Variants in PRKG1 observed in about 807,000 individuals in gnomAD.
The protein encoded by PRKG1 is protein kinase cGMP-dependent 1, also known as cGMP-dependent protein kinase 1.
Under a neutral mutation model 88.1 loss-of-function variants are expected in PRKG1, and 35 were observed. That is an observed-to-expected ratio of 0.40 (90% confidence interval 0.30 to 0.53). The LOEUF (loss-of-function observed/expected upper bound fraction) is 0.53. Among genes scored for constraint, PRKG1 ranks in the 20% least tolerant of loss-of-function variants. The pLI is 0.59. For synonymous variants in PRKG1, 303 were observed against 292.5 expected, an observed-to-expected ratio of 1.04 and a Z score of -0.37; for missense variants, 540 against 839.8, an observed-to-expected ratio of 0.64 and a Z score of 4.41.
chr10:51,278,485 G>A (rs1840196514), intron 2 of PRKG1, among the ~76,000 whole-genome samples: 1 of 152,160 alleles, frequency 6.6e-6, no homozygotes, highest in Admixed American at 6.5e-5. Flanking sequence ...AGTTTGGGAG[G>A]ATTCCCTCTT....
intron 8 of PRKG1, among the ~76,000 whole-genome samples, chr10:52,157,684 A>G (rs183848566): frequency 5.3e-5 from 8 of 151,574 alleles, no homozygotes. Context: ...TCCTAAGGAC[A>G]ATTTCTTTAA....
At chr10:51,878,248 A>ATGTG (rs1554851728) in intron 4 of PRKG1, among the ~76,000 whole-genome samples, 1 of 55,556 alleles carries the variant, frequency 1.8e-5, no homozygotes, top group Non-Finnish European at 3.4e-5. Flanking sequence ...ATGTGTGAAT[A>ATGTG]TATGTGTGTG....
chr10:51,554,329 CACAT>C (rs1258641289), intron 3 of PRKG1, among the ~76,000 whole-genome samples: 3 of 125,492 alleles, frequency 2.4e-5, no homozygotes, highest in African/African-American at 8.3e-5. Flanking sequence ...AATATATACA[CACAT>C]ATATTATATA....
intron 4 of PRKG1, among the ~76,000 whole-genome samples, chr10:51,848,651 G>A (rs1202877884): frequency 6.7e-6 from 1 of 150,142 alleles, no homozygotes; most frequent in East Asian, 1.9e-4. Flanking sequence ...GTGTGTGTGT[G>A]TGTGTGTGTG....
chr10:51,449,542 G>A (rs950878718), intron 2 of PRKG1, among the ~76,000 whole-genome samples: 2 of 144,698 alleles, frequency 1.4e-5, no homozygotes, highest in African/African-American at 5.3e-5. Context: ...AAGGCCCAAG[G>A]CTAGCAAACT....
At chr10:52,202,842 T>C (rs944715899) in intron 9 of PRKG1, among the ~76,000 whole-genome samples, 12 of 152,118 alleles carry the variant, frequency 7.9e-5, no homozygotes, top group African/African-American at 2.7e-4. Flanking sequence ...CTCTGAGGTT[T>C]TTGTATTTTT....
chr10:51,419,471 C>T (rs368284476), intron 2 of PRKG1, among the ~76,000 whole-genome samples: 5 of 152,092 alleles, frequency 3.3e-5, no homozygotes, highest in African/African-American at 1.2e-4. Context: ...GACTGACTGC[C>T]TGGATGGGAT....
rs552950385 is a variant in PRKG1, at chr10:51,613,930, T to C, written c.592+146094T>C. On this transcript the variant is annotated intron_variant, in intron 3 of 17. Coordinates refer to ENST00000373980, the MANE Select transcript of PRKG1 (RefSeq NM_006258.4). ...CTAACATATGGTCTATCCTGGAGAA[T>C]ATTCCATGTGTTCATGAGAAGAATG... 4.9e-4 allele frequency among the ~76,000 whole-genome samples: 75 copies of C among 152,086 alleles called. No individual in the cohort carries two copies. The Middle Eastern group carries it at 0.034, about 69-fold the overall frequency.
intron 3 of PRKG1, among the ~76,000 whole-genome samples, chr10:51,704,069 G>A (rs1165194624): frequency 2.6e-5 from 4 of 151,048 alleles, no homozygotes; most frequent in African/African-American, 7.3e-5. Flanking sequence ...GCTTGAACCC[G>A]GGATGTGGAT....
At chr10:51,836,373 C>G (rs1840130781) in intron 4 of PRKG1, among the ~76,000 whole-genome samples, 1 of 152,054 alleles carries the variant, frequency 6.6e-6, no homozygotes, top group African/African-American at 2.4e-5. Flanking sequence ...TGGATTTTCT[C>G]TTCACTTTAT....
chr10:51,894,363 A>T (rs890561695), intron 4 of PRKG1, among the ~76,000 whole-genome samples: 1 of 152,176 alleles, frequency 6.6e-6, no homozygotes, highest in Non-Finnish European at 1.5e-5. Flanking sequence ...GCCATAGTCA[A>T]ATTCATAGAG....
intron 1 of PRKG1, among the ~76,000 whole-genome samples, chr10:51,096,926 C>T (rs1446229243): frequency 1.3e-5 from 2 of 152,180 alleles, no homozygotes; most frequent in African/African-American, 4.8e-5. Context: ...CTACAATGCA[C>T]AGGACAGTTT....
chr10:52,267,136 A>G (rs1164793873), intron 10 of PRKG1, among the ~76,000 whole-genome samples: 1 of 152,096 alleles, frequency 6.6e-6, no homozygotes, highest in Non-Finnish European at 1.5e-5. Context: ...TAAAAAGCAA[A>G]CTAAATGTCA....
chr10:51,778,916 G>A (rs1252308070), intron 3 of PRKG1, among the ~76,000 whole-genome samples: 1 of 151,950 alleles, frequency 6.6e-6, no homozygotes, highest in African/African-American at 2.4e-5. Context: ...AAATAAGCTG[G>A]TAATCTTTAT....
chr10:51,816,844 G>A (rs1280391376), intron 4 of PRKG1, among the ~76,000 whole-genome samples: 2 of 151,980 alleles, frequency 1.3e-5, no homozygotes, highest in Non-Finnish European at 2.9e-5. Flanking sequence ...GGCTGGAGGG[G>A]GTCCAATGGG....
intron 1 of PRKG1, among the ~76,000 whole-genome samples, chr10:51,084,832 G>A (rs2131855170): frequency 6.6e-6 from 1 of 152,218 alleles, no homozygotes; most frequent in Admixed American, 6.5e-5. Flanking sequence ...GAATGTCAAT[G>A]ATGACAAATA....
At chr10:52,013,418 CAA>C (rs200943011) in intron 5 of PRKG1, among the ~76,000 whole-genome samples, 6 of 109,688 alleles carry the variant, frequency 5.5e-5, no homozygotes, top group Non-Finnish European at 8.0e-5. Context: ...GACTCCGTCT[CAA>C]AAAAAAAAAA....
intron 9 of PRKG1, among the ~76,000 whole-genome samples, chr10:52,167,503 A>T (rs2132701923): frequency 1.3e-5 from 2 of 152,262 alleles, no homozygotes; most frequent in South Asian, 4.1e-4. Flanking sequence ...TCTTCATGAA[A>T]ATCATTTTAA....
intron 7 of PRKG1, among the ~76,000 whole-genome samples, chr10:52,071,273 A>G (rs947928859): frequency 4.6e-5 from 7 of 152,228 alleles, no homozygotes; most frequent in Non-Finnish European, 1.0e-4. Flanking sequence ...TAAAAGGTAG[A>G]TTTTCAACCC....
Sources: gnomAD v4.1 joint callset for allele counts (sites outside exome capture counted in the v4.1 genomes callset) on GRCh38, gnomAD v4.1.1 for gene constraint, MANE v1.5 for transcripts, NCBI Gene and HGNC (gene_info 2026-07-23, HGNC 2026-07-21) for gene names.